LRRIQ3: variants seen among roughly 807,000 people sequenced by gnomAD.
LRRIQ3 encodes the protein leucine-rich repeat and IQ domain-containing protein 3.
A neutral mutation model predicts 59.3 loss-of-function variants in LRRIQ3; 75 were observed. That is an observed-to-expected ratio of 1.26 (90% CI 1.05 to 1.53). The LOEUF is 1.53. Among genes scored for constraint, LRRIQ3 ranks in the 40% most tolerant of loss-of-function variants. The pLI is 0.00. For synonymous variants in LRRIQ3, 250 were observed against 231.3 expected, an observed-to-expected ratio of 1.08 and a Z score of -0.73; for missense variants, 831 against 710.0, an observed-to-expected ratio of 1.17 and a Z score of -1.94.
At chr1:74,177,111 A>AT (rs1056013185) in intron 3 of LRRIQ3, among the ~76,000 whole-genome samples, 32 of 151,906 alleles carry the variant, frequency 2.1e-4, no homozygotes, top group African/African-American at 5.3e-4. Flanking sequence ...TTTAATATGT[A>AT]TTTTTTTGTT....
At chr1:74,135,282 A>G (rs1169384564) in intron 4 of LRRIQ3, among the ~76,000 whole-genome samples, 1 of 151,964 alleles carries the variant, frequency 6.6e-6, no homozygotes, top group African/African-American at 2.4e-5. Flanking sequence ...TGAGGGAAGA[A>G]TTACACAATT....
intron 3 of LRRIQ3, among the ~76,000 whole-genome samples, chr1:74,179,496 A>G (rs1295782049): frequency 1.3e-5 from 2 of 151,938 alleles, no homozygotes; most frequent in African/African-American, 4.8e-5. Flanking sequence ...AACTCTTACA[A>G]GGCTCATTAT....
At chr1:74,139,624 T>C (rs956922763) in intron 4 of LRRIQ3, among the ~76,000 whole-genome samples, 4 of 151,942 alleles carry the variant, frequency 2.6e-5, no homozygotes, top group African/African-American at 9.7e-5. Flanking sequence ...TAACATCCCA[T>C]GGCATCTCTT....
intron 4 of LRRIQ3, among the ~76,000 whole-genome samples, chr1:74,154,240 C>CAAACAAAAAA (rs1648176929): frequency 5.2e-5 from 3 of 57,290 alleles, no homozygotes; most frequent in African/African-American, 2.2e-4. Context: ...GACTCCTTCT[C>CAAACAAAAAA]AAAAAAAAAA....
chr1:74,053,482 A>G (rs1570035308), intron 6 of LRRIQ3, among the ~76,000 whole-genome samples: 1 of 152,174 alleles, frequency 6.6e-6, no homozygotes, highest in East Asian at 1.9e-4. Context: ...CACACAGTTG[A>G]TAAAGAACGT....
chr1:74,170,437 T>C (rs140403958), intron 3 of LRRIQ3, among the ~76,000 whole-genome samples: 5 of 152,294 alleles, frequency 3.3e-5, no homozygotes, highest in Admixed American at 1.3e-4. Flanking sequence ...TTCTCTGCTG[T>C]GTATTCTTGG....
At chr1:74,128,272 G>A (rs1318065050) in intron 4 of LRRIQ3, among the ~76,000 whole-genome samples, 1 of 151,958 alleles carries the variant, frequency 6.6e-6, no homozygotes, top group African/African-American at 2.4e-5. Flanking sequence ...CTAGGTTTGG[G>A]AAGTTCTCTG....
At chr1:74,180,748 A>C (rs371875425) in intron 3 of LRRIQ3, 465 of 1,550,256 alleles carry the variant, frequency 3.0e-4, no homozygotes, top group Non-Finnish European at 3.8e-4. Context: ...GTAAGTTCCT[A>C]AACCTCACTA....
chr1:74,034,651 C>T (rs200713264), intron 7 of LRRIQ3, among the ~76,000 whole-genome samples: 1,724 of 151,678 alleles, frequency 0.011, 48 homozygotes, highest in East Asian at 0.054. Flanking sequence ...CACACACACA[C>T]ACACACACAC....
chr1:74,060,531 T>G (rs1654692732), intron 6 of LRRIQ3, among the ~76,000 whole-genome samples: 1 of 152,094 alleles, frequency 6.6e-6, no homozygotes, highest in Non-Finnish European at 1.5e-5. Context: ...ATAAGTTATT[T>G]TTGTTTTCAC....
intron 4 of LRRIQ3, among the ~76,000 whole-genome samples, chr1:74,131,253 A>T (rs958570955): frequency 1.4e-4 from 22 of 152,162 alleles, no homozygotes; most frequent in African/African-American, 5.3e-4. Context: ...GACCAAAAAA[A>T]GTCCAGGACC....
chr1:74,038,740 T>C (rs568061109), intron 7 of LRRIQ3, among the ~76,000 whole-genome samples: 5 of 152,058 alleles, frequency 3.3e-5, no homozygotes, highest in Non-Finnish European at 5.9e-5. Context: ...GACTTGACCA[T>C]TGAAATAAAA....
intron 3 of LRRIQ3, among the ~76,000 whole-genome samples, chr1:74,176,418 T>A (rs1649642275): frequency 6.6e-6 from 1 of 152,166 alleles, no homozygotes; most frequent in Non-Finnish European, 1.5e-5. Flanking sequence ...GAAGTTTAAT[T>A]AAGATATTTT....
chr1:74,038,349 G>T (rs745408892), intron 7 of LRRIQ3, among the ~76,000 whole-genome samples: 2 of 152,188 alleles, frequency 1.3e-5, no homozygotes, highest in Non-Finnish European at 2.9e-5. Flanking sequence ...GGTGGCCACA[G>T]TCTCTGCAGA....
Position 74,034,500 on chromosome 1 carries a change from G to GA in LRRIQ3, c.1718+6712dup, listed in dbSNP as rs1653809790. On this transcript the variant is annotated intron_variant, in intron 7 of 7. Transcript: ENST00000354431. ...TATGGCCAGATATTCATTTTACTGT[G>GA]AAAAAACTAAGCTGATTAAATTAGA... 2.0e-5 allele frequency among the ~76,000 whole-genome samples: 3 copies of GA among 151,860 alleles called. No individual in the cohort carries two copies. In the South Asian group the frequency reaches 6.2e-4, roughly 32 times the overall value.
At chr1:74,173,079 A>G (rs2100703513) in intron 3 of LRRIQ3, among the ~76,000 whole-genome samples, 1 of 152,158 alleles carries the variant, frequency 6.6e-6, no homozygotes, top group African/African-American at 2.4e-5. Context: ...AGGCAGGTGG[A>G]CCACGAGGTC....
chr1:74,066,288 A>C (rs1014250630), intron 6 of LRRIQ3, among the ~76,000 whole-genome samples: 3 of 152,100 alleles, frequency 2.0e-5, no homozygotes, highest in Admixed American at 6.6e-5. Context: ...ATCTCTAAAA[A>C]TCAAGATAGC....
At chr1:74,063,758 A>T (rs914492237) in intron 6 of LRRIQ3, among the ~76,000 whole-genome samples, 1 of 151,840 alleles carries the variant, frequency 6.6e-6, no homozygotes, top group Non-Finnish European at 1.5e-5. Flanking sequence ...CCATCATTTT[A>T]GTTTCAAATT....
intron 5 of LRRIQ3, among the ~76,000 whole-genome samples, chr1:74,094,282 T>C (rs1272692407): frequency 6.6e-6 from 1 of 152,064 alleles, no homozygotes; most frequent in Non-Finnish European, 1.5e-5. Context: ...CATAACACTT[T>C]ATAGGCAAAA....
Sources: allele counts gnomAD v4.1 joint callset (sites outside exome capture counted in the v4.1 genomes callset), GRCh38; gene constraint gnomAD v4.1.1; transcripts MANE v1.5; gene names NCBI Gene and HGNC (gene_info 2026-07-23, HGNC 2026-07-21).